The following ELF2 variants were observed in gnomAD, a reference collection of about 807,000 sequenced individuals.
ELF2 encodes the protein ETS-related transcription factor Elf-2.
In ELF2, 11 loss-of-function variants were observed where a neutral mutation model predicts 54.8. That is an observed-to-expected ratio of 0.20 (90% CI 0.13 to 0.33). The LOEUF is 0.33. ELF2 is among the 10% of genes least tolerant of loss of function. The pLI, the probability that ELF2 is intolerant of heterozygous loss-of-function variation, is 1.00. For missense variants in ELF2, 513 were observed against 703.0 expected (o/e 0.73, Z 3.06); for synonymous variants, 203 against 245.1 (o/e 0.83, Z 1.61).
chr4:139,152,184 A>T (rs1740067795), intron 1 of ELF2, among the ~76,000 whole-genome samples: 1 of 152,236 alleles, frequency 6.6e-6, no homozygotes, highest in Non-Finnish European at 1.5e-5. Context: ...ATAAAAATAT[A>T]AGAGTGAATT....
Position 139,060,379 on chromosome 4 carries a change from C to T in ELF2, c.1102G>A (p.Ala368Thr), listed in dbSNP as rs1727656733. The change falls in exon 9 of 10, where the codon GCT becomes ACT. Residue 368 changes from alanine to threonine, a missense_variant. By Grantham distance (58) the Ala-to-Thr change is moderately conservative. Transcript: ENST00000686138. ...VVNITSPGHD[A>T]SSRSPTTTAS... is the part of the protein sequence containing the mutation. Reference sequence around the variant, plus strand: ...GTGGTAGTAGGAGACCTGGATGAAGCATCGTGCCCAGGGGAAGTGATATTC... The same window carrying T: ...GTGGTAGTAGGAGACCTGGATGAAGTATCGTGCCCAGGGGAAGTGATATTC... 6.2e-7 allele frequency: 1 copy of T among 1,613,886 alleles called. No homozygotes were observed. Among genetic ancestry groups the T allele is most frequent in the Non-Finnish European group, 8.5e-7 (1 of 1,179,940 alleles).
intron 4 of ELF2, among the ~76,000 whole-genome samples, chr4:139,103,039 G>A (rs1451104008): frequency 1.3e-5 from 2 of 152,046 alleles, no homozygotes; most frequent in Non-Finnish European, 2.9e-5. Context: ...CACTATGCCC[G>A]ACTAATTTTT....
At chr4:139,078,327 A>AT (rs1451562641) in intron 4 of ELF2, among the ~76,000 whole-genome samples, 1 of 152,182 alleles carries the variant, frequency 6.6e-6, no homozygotes, top group African/African-American at 2.4e-5. Context: ...GTATTCTCCT[A>AT]TAAGCAACAC....
intron 3 of ELF2, among the ~76,000 whole-genome samples, chr4:139,127,125 A>G (rs534573747): frequency 5.3e-5 from 8 of 152,188 alleles, no homozygotes; most frequent in African/African-American, 1.9e-4. Context: ...TCATGTACCT[A>G]CTCACTCCAC....
At chr4:139,168,644 C>T (rs985198657) in intron 1 of ELF2, among the ~76,000 whole-genome samples, 2 of 152,304 alleles carry the variant, frequency 1.3e-5, no homozygotes, top group African/African-American at 4.8e-5. Context: ...TACCAACAAC[C>T]CAGGACAGGT....
At chr4:139,151,795 T>A (rs1344929966) in intron 1 of ELF2, among the ~76,000 whole-genome samples, 1 of 152,210 alleles carries the variant, frequency 6.6e-6, no homozygotes, top group Non-Finnish European at 1.5e-5. Flanking sequence ...TAGTTTGTCA[T>A]AAAAATATGA....
chr4:139,080,868 G>A (rs1197774941), intron 4 of ELF2, among the ~76,000 whole-genome samples: 1 of 149,338 alleles, frequency 6.7e-6, no homozygotes, highest in African/African-American at 2.5e-5. Flanking sequence ...TATTTTCAAA[G>A]ACTGGATAAA....
At chr4:139,062,375 T>G (rs1283504739) in intron 7 of ELF2, among the ~76,000 whole-genome samples, 3 of 152,204 alleles carry the variant, frequency 2.0e-5, no homozygotes, top group Non-Finnish European at 4.4e-5. Flanking sequence ...TTCACCATGT[T>G]GGCCAGGCTG....
At chr4:139,062,892 C>T (rs1436827189) in intron 7 of ELF2, among the ~76,000 whole-genome samples, 1 of 152,126 alleles carries the variant, frequency 6.6e-6, no homozygotes, top group Non-Finnish European at 1.5e-5. Context: ...TGCAAACTAC[C>T]CTCAACCCTT....
rs1307473798 is a variant in ELF2, at chr4:139,125,182, T to G, written c.220A>C (p.Thr74Pro). 1 of 1,609,774 alleles carries G rather than the reference T, an allele frequency of 6.2e-7. No homozygotes were observed. Among genetic ancestry groups the G allele is most frequent in the Admixed American group, 1.7e-5 (1 of 58,218 alleles). Residue 74 changes from threonine to proline, a missense_variant, in exon 4 of 10, where the codon ACC becomes CCC. Around this residue, in one of 3 missense-constraint regions of ELF2, gnomAD observed 203 missense variants for 245.9 expected, o/e 0.83. Transcript: ENST00000686138. ...QDVAEEQEVETENVETVEASV... is the reference protein window; with the variant it reads ...QDVAEEQEVEPENVETVEASV... Reference sequence around the variant, plus strand: ...TGTCTACCTGTTTCCACATTCTCGGTCTCAACTTCTTGTTCTTCTGCCACA... The same window carrying G: ...TGTCTACCTGTTTCCACATTCTCGGGCTCAACTTCTTGTTCTTCTGCCACA...
At chr4:139,066,727 A>G (rs1363226029) in intron 7 of ELF2, 1 of 147,296 alleles carries the variant, frequency 6.8e-6, no homozygotes, top group African/African-American at 2.5e-5. Context: ...CCATCTCTTA[A>G]AAAAAAAAAA....
chr4:139,079,178 C>A (rs1730746554), intron 4 of ELF2, among the ~76,000 whole-genome samples: 1 of 152,114 alleles, frequency 6.6e-6, no homozygotes, highest in African/African-American at 2.4e-5. Context: ...GATCCTCCTG[C>A]CTTGGCCTCC....
chr4:139,093,828 T>A (rs964163573), intron 4 of ELF2, among the ~76,000 whole-genome samples: 2 of 151,918 alleles, frequency 1.3e-5, no homozygotes, highest in Admixed American at 6.6e-5. Flanking sequence ...AAAACAGGGA[T>A]GGCCATTAAT....
At chr4:139,122,081 G>T (rs894188043) in intron 4 of ELF2, among the ~76,000 whole-genome samples, 2 of 152,254 alleles carry the variant, frequency 1.3e-5, no homozygotes, top group Admixed American at 1.3e-4. Flanking sequence ...AGGAATAAAA[G>T]GGTAAAAACA....
intron 1 of ELF2, among the ~76,000 whole-genome samples, chr4:139,149,798 T>G (rs1042377452): frequency 2.6e-5 from 4 of 152,198 alleles, no homozygotes; most frequent in Non-Finnish European, 5.9e-5. Flanking sequence ...ACTCACTGTC[T>G]TAAGGATGTC....
chr4:139,109,446 T>C (rs1289024888), intron 4 of ELF2, among the ~76,000 whole-genome samples: 1 of 152,180 alleles, frequency 6.6e-6, no homozygotes, highest in Non-Finnish European at 1.5e-5. Flanking sequence ...GCCAAAGTAG[T>C]ACTAACAAGC....
chr4:139,060,055 G>A (rs1727605831), intron 9 of ELF2, among the ~76,000 whole-genome samples: 1 of 151,954 alleles, frequency 6.6e-6, no homozygotes, highest in Non-Finnish European at 1.5e-5. Flanking sequence ...TCACTACGTT[G>A]CCAAAGCTTG....
chr4:139,098,538 G>A (rs796691015), intron 4 of ELF2, among the ~76,000 whole-genome samples: 12 of 149,366 alleles, frequency 8.0e-5, no homozygotes, highest in African/African-American at 1.2e-4. Context: ...GCACGATCTC[G>A]GCTCACTGCA....
At chr4:139,083,205 G>A (rs1034724456) in intron 4 of ELF2, among the ~76,000 whole-genome samples, 4 of 151,900 alleles carry the variant, frequency 2.6e-5, no homozygotes, top group Non-Finnish European at 4.4e-5. Context: ...GGGGAAGGGG[G>A]CAATTCCGTG....
Sources: allele counts gnomAD v4.1 joint callset (sites outside exome capture counted in the v4.1 genomes callset), GRCh38; gene constraint gnomAD v4.1.1; regional missense constraint gnomAD v4.1.1; transcripts MANE v1.5; gene names NCBI Gene and HGNC (gene_info 2026-07-23, HGNC 2026-07-21).